PSEN2: variants seen among roughly 807,000 people sequenced by gnomAD.
The protein encoded by PSEN2 is presenilin-2.
Under a neutral mutation model 49.1 loss-of-function variants are expected in PSEN2, and 32 were observed. That is an observed-to-expected ratio of 0.65 (90% CI 0.49 to 0.88). The LOEUF is 0.88. Ranked by LOEUF, PSEN2 falls within the 40% of genes least tolerant of loss-of-function variation. The pLI is 0.00. For missense variants in PSEN2, 522 were observed against 586.9 expected (o/e 0.89, Z 1.14); for synonymous variants, 255 against 244.0 (o/e 1.05, Z -0.42).
At chr1:226,900,454 C>T (rs1405222038), downstream of PSEN2, among the ~76,000 whole-genome samples, 2 of 152,142 alleles carry the variant, frequency 1.3e-5, no homozygotes, top group Admixed American at 6.5e-5. Flanking sequence ...AGCATGCCTG[C>T]AGTTTGTGAT....
At chr1:226,883,423 C>A (rs115851013) in intron 4 of PSEN2, among the ~76,000 whole-genome samples, 1,711 of 152,296 alleles carry the variant, frequency 0.011, 39 homozygotes, top group African/African-American at 0.039. Flanking sequence ...GGGGAAAGAT[C>A]TTTTGATTCA....
intron 4 of PSEN2, among the ~76,000 whole-genome samples, chr1:226,882,735 T>C (rs1024516558): frequency 1.3e-5 from 2 of 152,194 alleles, no homozygotes; most frequent in African/African-American, 4.8e-5. Context: ...CATGTTCTCC[T>C]TGAGAACGGA....
At chr1:226,890,762 C>T (rs889792274) in intron 9 of PSEN2, 7 of 188,590 alleles carry the variant, frequency 3.7e-5, no homozygotes, top group South Asian at 1.1e-4. Context: ...CTGTTGATGG[C>T]GGGGCTTAAA....
At chr1:226,876,172 A>G (rs78439943) in intron 3 of PSEN2, among the ~76,000 whole-genome samples, 273 of 152,140 alleles carry the variant, frequency 1.8e-3, no homozygotes, top group Middle Eastern at 3.4e-3. Context: ...GACACCTAGC[A>G]GTGTTGTTTA....
chr1:226,884,360 A>G (rs182918620), intron 5 of PSEN2, among the ~76,000 whole-genome samples: 9 of 152,298 alleles, frequency 5.9e-5, no homozygotes, highest in East Asian at 3.9e-4. Flanking sequence ...ATGTGAAACA[A>G]GGTGGTTGGA....
At chr1:226,887,265 G>A (rs976147669) in intron 6 of PSEN2, among the ~76,000 whole-genome samples, 1 of 152,168 alleles carries the variant, frequency 6.6e-6, no homozygotes, top group Admixed American at 6.5e-5. Context: ...GGATGAAGAG[G>A]GTTGGCAGGT....
Position 226,894,105 on chromosome 1 carries a change from T to C in PSEN2, c.1171T>C (p.Cys391Arg). The change falls in exon 12 of 13, where the codon TGC (cysteine) becomes CGC (arginine). Residue 391 changes from cysteine (C) to arginine (R), a missense_variant. Cys to Arg is a radical substitution (Grantham distance 180). Transcript: ENST00000366783. ...GSGDWNTTLA[C>R]FVAILIGLCL... Reference sequence around the variant, plus strand: ...CGGGGACTGGAATACCACGCTGGCCTGCTTCGTGGCCATCCTCATTGTGAG... The same window carrying C: ...CGGGGACTGGAATACCACGCTGGCCCGCTTCGTGGCCATCCTCATTGTGAG... 3 of 1,614,048 alleles carry C rather than the reference T, an allele frequency of 1.9e-6. No homozygotes were observed. The highest frequency in any genetic ancestry group is 2.5e-6 in the Non-Finnish European group (3 of 1,179,894).
At position 226,889,337 on chromosome 1, in the gene PSEN2, C is replaced by T. The variant is rs1270062046; in HGVS notation, c.787+288C>T. 5.3e-5 allele frequency among the ~76,000 whole-genome samples: 8 copies of T among 151,812 alleles called. No homozygotes were observed. The East Asian group carries it at 7.7e-4, about 15-fold the overall frequency. On this transcript the variant is annotated intron_variant, in intron 8 of 12. Coordinates refer to ENST00000366783, the MANE Select transcript of PSEN2 (RefSeq NM_000447.3). Reference sequence around the variant, plus strand: ...TGTCGCCCAGGCTGGAGTGTAGTGGCGCCATCTTGGCTGACTGCAACCTCC... The same window carrying T: ...TGTCGCCCAGGCTGGAGTGTAGTGGTGCCATCTTGGCTGACTGCAACCTCC...
At position 226,883,797 on chromosome 1, in the gene PSEN2, G is replaced by A; in HGVS notation, c.234G>A (p.Glu78=). Reference sequence around the variant, plus strand: ...GGCGGCCGCCAGGCCTGGAGGAAGAGCTGACCCTCAAATACGGAGCGAAGC... The same window carrying A: ...GGCGGCCGCCAGGCCTGGAGGAAGAACTGACCCTCAAATACGGAGCGAAGC... ...VPGRPPGLEE[E]LTLKYGAKHV... Residue 78 remains glutamate (E), a synonymous_variant, in exon 5 of 13, where the codon GAG becomes GAA. Coordinates refer to ENST00000366783, the MANE Select transcript of PSEN2 (RefSeq NM_000447.3). 6.2e-7 allele frequency: 1 copy of A among 1,614,230 alleles called. No homozygotes were observed. The highest frequency in any genetic ancestry group is 8.5e-7 in the Non-Finnish European group (1 of 1,180,046).
intron 8 of PSEN2, among the ~76,000 whole-genome samples, chr1:226,889,489 C>G (rs1381127351): frequency 6.6e-6 from 1 of 152,176 alleles, no homozygotes; most frequent in Non-Finnish European, 1.5e-5. Flanking sequence ...GTTGGCCAGG[C>G]TGATCTCGAA....
At chr1:226,872,558 A>G (rs1380841061) in intron 2 of PSEN2, among the ~76,000 whole-genome samples, 1 of 152,216 alleles carries the variant, frequency 6.6e-6, no homozygotes, top group Non-Finnish European at 1.5e-5. Flanking sequence ...ACTGCTGGGA[A>G]AGTTTTGTGG....
Position 226,895,589 on chromosome 1 carries a change from T to C in PSEN2, c.*10T>C. 1.2e-6 allele frequency: 2 copies of C among 1,609,258 alleles called. No individual in the cohort carries two copies. Among genetic ancestry groups the C allele is most frequent in the Non-Finnish European group, 1.7e-6 (2 of 1,177,672 alleles). ...TCAGCTCTACATCTGAGGGACATGG[T>C]GTGCCACAGGCTGCAAGCTGCAGGG... On this transcript the variant is annotated 3_prime_UTR_variant, in exon 13 of 13. Transcript: ENST00000366783.
Position 226,885,685 on chromosome 1 carries a change from GCCCTGGCCCTGCCCT to G in PSEN2, c.498+9_498+23del, listed in dbSNP as rs767829568. 2 of 1,605,322 alleles carry G rather than the reference GCCCTGGCCCTGCCCT, an allele frequency of 1.2e-6. No homozygotes were observed. Among genetic ancestry groups the G allele is most frequent in the African/African-American group, 1.3e-5 (1 of 74,832 alleles). ...ACAAGTACCGCTGCTACAAGGTGAGGCCCTGGCCCTGCCCTCCAGCCACGCTTCTCTCCGTCTGCC... is the reference window on the plus strand; with the variant it reads ...ACAAGTACCGCTGCTACAAGGTGAGGCCAGCCACGCTTCTCTCCGTCTGCC... On this transcript the variant is annotated splice_region_variant and intron_variant, in intron 6 of 12. Coordinates refer to ENST00000366783, the MANE Select transcript of PSEN2 (RefSeq NM_000447.3).
Position 226,883,934 on chromosome 1 carries a change from T to TG in PSEN2, c.356+21dup. ...AATGGACAGCTGTGAGTTGGGGGGC[T>TG]GGGGGGAGCAGGGTGGGGTGAGGGC... On this transcript the variant is annotated intron_variant, in intron 5 of 12. Coordinates refer to ENST00000366783, the MANE Select transcript of PSEN2 (RefSeq NM_000447.3). 5.0e-6 allele frequency: 2 copies of TG among 399,762 alleles called. No individual in the cohort carries two copies. Among genetic ancestry groups the TG allele is most frequent in the Non-Finnish European group, 3.5e-6 (1 of 287,036 alleles). The allele number at this position is 399,762 out of a possible 1,614,324, so 24.8% of individuals were successfully genotyped here.
chr1:226,891,120 T>A (rs1661709454), intron 9 of PSEN2, among the ~76,000 whole-genome samples, 158 bp from the exon 10 acceptor site: 1 of 152,238 alleles, frequency 6.6e-6, no homozygotes, highest in Admixed American at 6.5e-5. Flanking sequence ...TCTGGACCCC[T>A]CCCACAACGG....
intron 1 of PSEN2, 141 bp downstream of exon 1, chr1:226,870,790 C>G (rs1047788232): frequency 6.6e-6 from 1 of 152,308 alleles, no homozygotes; most frequent in Admixed American, 6.5e-5. Flanking sequence ...GGCTGTGGGT[C>G]TGCGGCCCCT....
downstream of PSEN2, chr1:226,897,623 A>G (rs746186122): frequency 6.4e-6 from 1 of 155,248 alleles, no homozygotes; most frequent in Admixed American, 6.5e-5. Context: ...AAAAGACAGC[A>G]TTCGAACATG....
chr1:226,877,630 T>A (rs574135266), intron 3 of PSEN2, among the ~76,000 whole-genome samples: 1 of 152,328 alleles, frequency 6.6e-6, no homozygotes, highest in Non-Finnish European at 1.5e-5. Flanking sequence ...TATTCCTTAA[T>A]GACAGCTCTC....
rs186767369 is a variant in PSEN2, at chr1:226,877,439, G to A, written c.-21+1889G>A. Reference sequence around the variant, plus strand: ...TTAGTGCCGGCTAAGGGCTCAGCAGGTGCTGGTCCATCTCCACCAGCCCCC... The same window carrying A: ...TTAGTGCCGGCTAAGGGCTCAGCAGATGCTGGTCCATCTCCACCAGCCCCC... On this transcript the variant is annotated intron_variant, in intron 3 of 12. Coordinates refer to ENST00000366783, the MANE Select transcript of PSEN2 (RefSeq NM_000447.3). 1.6e-4 allele frequency among the ~76,000 whole-genome samples: 25 copies of A among 152,314 alleles called. No homozygotes were observed. In the East Asian group the frequency reaches 3.1e-3, roughly 19 times the overall value.
Sources: gnomAD v4.1 joint callset for allele counts (sites outside exome capture counted in the v4.1 genomes callset) on GRCh38, gnomAD v4.1.1 for gene constraint, MANE v1.5 for transcripts, NCBI Gene and HGNC (gene_info 2026-07-23, HGNC 2026-07-21) for gene names.